RASAL2: variants seen among roughly 807,000 people sequenced by gnomAD.
RASAL2 encodes the protein RAS protein activator like 2.
RASAL2 carries 58 observed loss-of-function variants against 128.9 expected under a neutral mutation model. The observed-to-expected ratio is 0.45, with a 90% confidence interval of 0.36 to 0.56. The LOEUF is 0.56. Among genes scored for constraint, RASAL2 ranks in the 20% least tolerant of loss-of-function variants. The pLI is 0.00. For synonymous variants in RASAL2, 561 were observed against 580.8 expected (o/e 0.97, Z 0.49); for missense variants, 1,360 against 1,601.6 (o/e 0.85, Z 2.57).
chr1:178,095,381 G>A (rs1184531974), intron 1 of RASAL2, among the ~76,000 whole-genome samples: 2 of 152,056 alleles, frequency 1.3e-5, no homozygotes, highest in East Asian at 1.9e-4. Flanking sequence ...TTCTATTAGG[G>A]TGAGCCTTGT....
intron 1 of RASAL2, among the ~76,000 whole-genome samples, chr1:178,228,425 C>CA (rs1344364239): frequency 6.6e-6 from 1 of 151,322 alleles, no homozygotes; most frequent in South Asian, 2.1e-4. Flanking sequence ...ACTTAAAATA[C>CA]AAAAAAAATT....
intron 1 of RASAL2, among the ~76,000 whole-genome samples, chr1:178,187,489 G>A (rs931834466): frequency 3.3e-5 from 5 of 151,944 alleles, no homozygotes; most frequent in African/African-American, 1.2e-4. Flanking sequence ...ATTTCAGTAG[G>A]TATTGTACCT....
At chr1:178,378,916 T>C (rs553098948) in intron 3 of RASAL2, among the ~76,000 whole-genome samples, 1 of 150,672 alleles carries the variant, frequency 6.6e-6, no homozygotes, top group Non-Finnish European at 1.5e-5. Flanking sequence ...AAAATAAGAG[T>C]AGATAATGAT....
chr1:178,470,816 C>T (rs762147824), intron 17 of RASAL2: 41 of 1,056,182 alleles, frequency 3.9e-5, no homozygotes, highest in Admixed American at 2.0e-4. Flanking sequence ...CTGCCACTCC[C>T]CACATGGGAA....
chr1:178,196,024 A>G (rs1277735983), intron 1 of RASAL2, among the ~76,000 whole-genome samples: 1 of 152,150 alleles, frequency 6.6e-6, no homozygotes, highest in Non-Finnish European at 1.5e-5. Flanking sequence ...TCCATATCTC[A>G]TAAATATTTG....
chr1:178,425,664 G>T (rs1218555662), intron 5 of RASAL2, among the ~76,000 whole-genome samples: 6 of 151,958 alleles, frequency 3.9e-5, no homozygotes, highest in Non-Finnish European at 1.5e-5. Flanking sequence ...CTCTTTATAG[G>T]CATAAGATAG....
At chr1:178,146,617 T>C (rs1255921046) in intron 1 of RASAL2, among the ~76,000 whole-genome samples, 1 of 152,200 alleles carries the variant, frequency 6.6e-6, no homozygotes, top group Non-Finnish European at 1.5e-5. Context: ...GCAGGAAATG[T>C]TTATGCAGCT....
At chr1:178,418,045 T>C (rs1572038681) in intron 4 of RASAL2, among the ~76,000 whole-genome samples, 1 of 152,208 alleles carries the variant, frequency 6.6e-6, no homozygotes, top group South Asian at 2.1e-4. Flanking sequence ...CCTTTGCCTT[T>C]ATGTACTAAT....
chr1:178,260,350 C>CAAAAAAAAAA (rs1243797175), intron 1 of RASAL2, among the ~76,000 whole-genome samples: 1 of 436 alleles, frequency 2.3e-3, no homozygotes, highest in Non-Finnish European at 7.6e-3. Context: ...AGACTCGTCT[C>CAAAAAAAAAA]AAAAAAAAAA....
chr1:178,461,365 T>C (rs1678183581), intron 14 of RASAL2, among the ~76,000 whole-genome samples: 1 of 152,190 alleles, frequency 6.6e-6, no homozygotes. Context: ...GTAGTGGCCA[T>C]TGTCTGCAGA....
chr1:178,365,625 C>G (rs1278350093), intron 3 of RASAL2, among the ~76,000 whole-genome samples: 5 of 152,146 alleles, frequency 3.3e-5, no homozygotes, highest in African/African-American at 1.2e-4. Flanking sequence ...GCACGCACCA[C>G]TATGCCCAGG....
rs1008598871 is a variant in RASAL2 at position 178,473,611 on chromosome 1, G to A, written c.*372G>A. On this transcript the variant is annotated 3_prime_UTR_variant, in exon 18 of 18. Transcript: ENST00000367649. ...CAGGAAGTAAAGTAGGAACTGTTGTGTGAGCGAGACATGAGCCTGTAGGTT... is the reference window on the plus strand; with the variant it reads ...CAGGAAGTAAAGTAGGAACTGTTGTATGAGCGAGACATGAGCCTGTAGGTT... 3.8e-6 allele frequency: 1 copy of A among 260,132 alleles called. No homozygotes were observed. The highest frequency in any genetic ancestry group is 2.3e-5 in the African/African-American group (1 of 43,674). 16.1% of individuals were successfully genotyped at this position (260,132 alleles called of 1,614,324 possible).
intron 6 of RASAL2, among the ~76,000 whole-genome samples, chr1:178,440,035 A>G (rs1219100778): frequency 6.9e-6 from 1 of 145,942 alleles, no homozygotes. Context: ...TTTGACCTAA[A>G]TGTCTTATTT....
chr1:178,146,665 G>A (rs1039398063), intron 1 of RASAL2, among the ~76,000 whole-genome samples: 1 of 152,248 alleles, frequency 6.6e-6, no homozygotes, highest in African/African-American at 2.4e-5. Context: ...ATGTGTGCCT[G>A]CTGCTGTCTT....
intron 17 of RASAL2, among the ~76,000 whole-genome samples, chr1:178,472,321 CAG>C (rs772570950): frequency 1.3e-5 from 2 of 151,654 alleles, no homozygotes; most frequent in Non-Finnish European, 2.9e-5. Context: ...CATTTTTTTT[CAG>C]AGACTCAAAA....
At position 178,469,467 on chromosome 1, in the gene RASAL2, G is replaced by T. The variant is rs540646165; in HGVS notation, c.3678+2046G>T. ...GGTATAAAGCAGAAGTCACCTGCTAGGCATAGGAGGTAAAAGCCAGGGAGG... is the reference window on the plus strand; with the variant it reads ...GGTATAAAGCAGAAGTCACCTGCTATGCATAGGAGGTAAAAGCCAGGGAGG... On this transcript the variant is annotated intron_variant, in intron 17 of 17. Transcript: ENST00000367649. 1.7e-3 allele frequency among the ~76,000 whole-genome samples: 265 copies of T among 152,164 alleles called. 3 individuals are homozygous for T. The highest frequency in any genetic ancestry group is 6.1e-3 in the African/African-American group (253 of 41,516).
intron 3 of RASAL2, among the ~76,000 whole-genome samples, chr1:178,366,579 T>TCC (rs1349184536): frequency 3.3e-3 from 103 of 31,060 alleles, no homozygotes; most frequent in East Asian, 9.5e-3. Context: ...ACTTGGTACC[T>TCC]CCCACCCCCC....
intron 15 of RASAL2, among the ~76,000 whole-genome samples, chr1:178,464,783 G>A (rs955575032): frequency 1.8e-4 from 26 of 140,558 alleles, no homozygotes; most frequent in African/African-American, 6.7e-4. Context: ...TTACCCTAGG[G>A]CAAGACTTTT....
At chr1:178,358,904 C>T (rs1670960869) in intron 3 of RASAL2, among the ~76,000 whole-genome samples, 1 of 152,158 alleles carries the variant, frequency 6.6e-6, no homozygotes, top group Non-Finnish European at 1.5e-5. Context: ...AGAGACTGAA[C>T]CTGAATACCA....
Sources: gnomAD v4.1 joint callset for allele counts (sites outside exome capture counted in the v4.1 genomes callset) on GRCh38, gnomAD v4.1.1 for gene constraint, MANE v1.5 for transcripts, NCBI Gene and HGNC (gene_info 2026-07-23, HGNC 2026-07-21) for gene names.